The following DNM3 variants were observed in gnomAD, a reference collection of about 807,000 sequenced individuals.
DNM3 encodes the protein dynamin 3, also known as dynamin-3.
DNM3 carries 47 observed loss-of-function variants against 101.6 expected under a neutral mutation model. That is an observed-to-expected ratio of 0.46 (90% CI 0.37 to 0.59). DNM3 has a LOEUF of 0.59. Among genes scored for constraint, DNM3 ranks in the 20% least tolerant of loss-of-function variants. The pLI, the probability that DNM3 is intolerant of heterozygous loss-of-function variation, is 0.00. For missense variants in DNM3, 849 were observed against 1,085.7 expected, an observed-to-expected ratio of 0.78 and a Z score of 3.06; for synonymous variants, 385 against 387.9, an observed-to-expected ratio of 0.99 and a Z score of 0.09.
chr1:171,987,690 A>G lies in DNM3; in HGVS notation c.270A>G (p.Lys90=). The change falls in exon 3 of 21, where the codon AAA becomes AAG. Residue 90 remains lysine (K), a synonymous_variant. Coordinates refer to ENST00000627582, the MANE Select transcript of DNM3 (RefSeq NM_015569.5). ...AGTTTCTACATTGCAAAGGAAAGAA[A>G]TTTACAGATTTTGATGAAGTTCGCC... ...YAEFLHCKGK[K]FTDFDEVRLE... The G allele has an allele frequency of 6.3e-7, 1 of 1,593,236 alleles. No homozygotes were observed. Among genetic ancestry groups the G allele is most frequent in the Non-Finnish European group, 8.5e-7 (1 of 1,171,254 alleles).
chr1:172,001,138 G>A (rs2046333538), intron 4 of DNM3, among the ~76,000 whole-genome samples: 1 of 152,030 alleles, frequency 6.6e-6, no homozygotes, highest in African/African-American at 2.4e-5. Context: ...TTAATCATAG[G>A]AAAGGAAGAG....
At chr1:172,214,744 G>GA (rs1178452377) in intron 14 of DNM3, among the ~76,000 whole-genome samples, 1 of 151,982 alleles carries the variant, frequency 6.6e-6, no homozygotes, top group Non-Finnish European at 1.5e-5. Flanking sequence ...AAAGATCGCT[G>GA]AAAAAATTAA....
At chr1:172,009,143 T>TC (rs2046947033) in intron 4 of DNM3, among the ~76,000 whole-genome samples, 1 of 139,650 alleles carries the variant, frequency 7.2e-6, no homozygotes, top group Non-Finnish European at 1.5e-5. Flanking sequence ...TTATATTATA[T>TC]ATATTATATG....
At chr1:172,267,275 A>G (rs1233417828) in intron 15 of DNM3, among the ~76,000 whole-genome samples, 2 of 152,242 alleles carry the variant, frequency 1.3e-5, no homozygotes, top group African/African-American at 4.8e-5. Flanking sequence ...GCATGAGGGA[A>G]TGAATGCATG....
chr1:172,322,170 G>C (rs755120123), intron 16 of DNM3, among the ~76,000 whole-genome samples: 1 of 151,972 alleles, frequency 6.6e-6, no homozygotes, highest in Non-Finnish European at 1.5e-5. Context: ...TTACCTTTCC[G>C]CTCTCCAGAA....
intron 1 of DNM3, among the ~76,000 whole-genome samples, chr1:171,847,624 A>G (rs377381209): frequency 2.0e-5 from 3 of 152,310 alleles, no homozygotes; most frequent in Admixed American, 6.5e-5. Flanking sequence ...CAAGTATTTT[A>G]TAAGGACTTC....
At chr1:172,339,026 A>G (rs1321119154) in intron 17 of DNM3, 3 of 481,082 alleles carry the variant, frequency 6.2e-6, no homozygotes, top group South Asian at 4.5e-5. Context: ...CATGATGTTC[A>G]TTGACATTTG....
intron 2 of DNM3, among the ~76,000 whole-genome samples, chr1:171,976,354 C>T (rs1479990682): frequency 2.0e-5 from 3 of 152,172 alleles, no homozygotes; most frequent in African/African-American, 7.2e-5. Context: ...CTTACAGTTC[C>T]ACATGGCTGA....
At chr1:172,139,994 A>G (rs779198335) in intron 14 of DNM3, 1 of 152,054 alleles carries the variant, frequency 6.6e-6, no homozygotes, top group Non-Finnish European at 1.5e-5. Context: ...ACTTCTTAAA[A>G]AACACAGCAC....
intron 1 of DNM3, among the ~76,000 whole-genome samples, chr1:171,847,178 A>G (rs1220241520): frequency 6.6e-6 from 1 of 152,218 alleles, no homozygotes; most frequent in Non-Finnish European, 1.5e-5. Context: ...GACAGGATAA[A>G]GTATGAGACA....
intron 16 of DNM3, among the ~76,000 whole-genome samples, chr1:172,312,632 A>AAATTTTAT (rs2065130502): frequency 6.6e-6 from 1 of 152,028 alleles, no homozygotes; most frequent in Admixed American, 6.6e-5. Context: ...GGGTTTTCTA[A>AAATTTTAT]AATTTTATTT....
At chr1:171,951,885 G>A (rs547603062) in intron 2 of DNM3, among the ~76,000 whole-genome samples, 1 of 152,200 alleles carries the variant, frequency 6.6e-6, no homozygotes, top group African/African-American at 2.4e-5. Context: ...CAAATTGTAG[G>A]TAAAATCATA....
intron 2 of DNM3, among the ~76,000 whole-genome samples, chr1:171,946,903 G>T (rs553360620): frequency 5.9e-5 from 9 of 152,280 alleles, no homozygotes; most frequent in Non-Finnish European, 1.3e-4. Context: ...GATACAGCGA[G>T]AACTCACTCA....
At chr1:171,985,475 C>T (rs2045181278) in intron 2 of DNM3, among the ~76,000 whole-genome samples, 1 of 152,154 alleles carries the variant, frequency 6.6e-6, no homozygotes, top group Admixed American at 6.5e-5. Flanking sequence ...TATAGAAGAA[C>T]ATGCCTTATC....
At chr1:171,847,266 A>G (rs2032267358) in intron 1 of DNM3, among the ~76,000 whole-genome samples, 1 of 152,232 alleles carries the variant, frequency 6.6e-6, no homozygotes, top group African/African-American at 2.4e-5. Context: ...TAGTATGTCA[A>G]TTTATTTTTA....
intron 18 of DNM3, among the ~76,000 whole-genome samples, chr1:172,383,254 C>T (rs1394423404): frequency 1.3e-5 from 2 of 152,110 alleles, no homozygotes; most frequent in Non-Finnish European, 2.9e-5. Context: ...CCTGTTTTTG[C>T]ACTTGGGAAT....
At chr1:171,939,438 T>C (rs1217657400) in intron 2 of DNM3, among the ~76,000 whole-genome samples, 1 of 152,180 alleles carries the variant, frequency 6.6e-6, no homozygotes. Flanking sequence ...GGAGGAGATA[T>C]GGAGGTTTGT....
At chr1:172,006,556 T>C (rs2046703048) in intron 4 of DNM3, among the ~76,000 whole-genome samples, 1 of 152,118 alleles carries the variant, frequency 6.6e-6, no homozygotes, top group South Asian at 2.1e-4. Context: ...CTGTACCCAA[T>C]GATTTTTCCT....
At chr1:172,023,220 G>T (rs1437807642) in intron 4 of DNM3, among the ~76,000 whole-genome samples, 1 of 151,980 alleles carries the variant, frequency 6.6e-6, no homozygotes, top group Non-Finnish European at 1.5e-5. Flanking sequence ...GTCTCATACT[G>T]GGATCTATAC....
Sources: gnomAD v4.1 joint callset for allele counts (sites outside exome capture counted in the v4.1 genomes callset) on GRCh38, gnomAD v4.1.1 for gene constraint, MANE v1.5 for transcripts, NCBI Gene and HGNC (gene_info 2026-07-23, HGNC 2026-07-21) for gene names.